The following TMC2 variants were observed in gnomAD, a reference collection of about 807,000 sequenced individuals.
The protein encoded by TMC2 is transmembrane channel-like protein 2.
In TMC2, 102 loss-of-function variants were observed where a neutral mutation model predicts 105.9. That is an observed-to-expected ratio of 0.96 (90% CI 0.82 to 1.14). The LOEUF (loss-of-function observed/expected upper bound fraction) is 1.14. Ranked by LOEUF, TMC2 falls within the 50% of genes most tolerant of loss-of-function variation. The probability of loss-of-function intolerance (pLI) is 0.00; values close to 1 mark genes in which losing one functional copy is unlikely to be tolerated. For missense variants in TMC2, 1,093 were observed against 1,134.3 expected (o/e 0.96, Z 0.52); for synonymous variants, 402 against 422.8 (o/e 0.95, Z 0.60).
At chr20:2,582,818 C>T (rs2086204199) in intron 7 of TMC2, among the ~76,000 whole-genome samples, 1 of 152,190 alleles carries the variant, frequency 6.6e-6, no homozygotes, top group Admixed American at 6.5e-5. Flanking sequence ...ATTCATTTTC[C>T]TTTTGCCACA....
intron 16 of TMC2, among the ~76,000 whole-genome samples, chr20:2,622,139 A>T (rs1036977016): frequency 6.6e-6 from 1 of 152,226 alleles, no homozygotes; most frequent in African/African-American, 2.4e-5. Flanking sequence ...GTGCTGGGCA[A>T]CAGTTGTAAG....
chr20:2,553,735 T>G (rs1842154534), intron 2 of TMC2, among the ~76,000 whole-genome samples: 1 of 152,192 alleles, frequency 6.6e-6, no homozygotes, highest in Non-Finnish European at 1.5e-5. Flanking sequence ...CCGAGACAAT[T>G]TCTTTAATAA....
chr20:2,553,094 CTTT>C (rs1293242552), intron 2 of TMC2, among the ~76,000 whole-genome samples: 1 of 152,094 alleles, frequency 6.6e-6, no homozygotes, highest in African/African-American at 2.4e-5. Context: ...TGTTAATATC[CTTT>C]TATTATCTTA....
chr20:2,631,705 G>GTTTTT (rs56986596), intron 17 of TMC2, among the ~76,000 whole-genome samples: 4 of 145,472 alleles, frequency 2.7e-5, no homozygotes, highest in African/African-American at 5.1e-5. Flanking sequence ...GACTATGGCT[G>GTTTTT]TTTTTTTTTT....
chr20:2,600,605 G>A (rs4813556), intron 10 of TMC2, among the ~76,000 whole-genome samples: 26,382 of 152,104 alleles, frequency 0.17, 2,860 homozygotes, highest in East Asian at 0.29. Flanking sequence ...GGCAGATCAC[G>A]AGGTCAAGAG....
intron 2 of TMC2, among the ~76,000 whole-genome samples, chr20:2,557,234 G>A (rs921448559): frequency 3.9e-5 from 6 of 152,070 alleles, no homozygotes; most frequent in African/African-American, 1.4e-4. Flanking sequence ...TTTTGAAATT[G>A]TCCCACAGTT....
intron 3 of TMC2, among the ~76,000 whole-genome samples, chr20:2,561,526 C>T (rs957336816): frequency 1.3e-5 from 2 of 152,148 alleles, no homozygotes; most frequent in Non-Finnish European, 1.5e-5. Context: ...ATTAAAATTG[C>T]TTTAATCCAT....
chr20:2,598,941 AG>A (rs200782346), intron 10 of TMC2, among the ~76,000 whole-genome samples: 3 of 152,328 alleles, frequency 2.0e-5, no homozygotes, highest in African/African-American at 7.2e-5. Context: ...TCCAAAAAAA[AG>A]GTACAACAAA....
At chr20:2,635,845 C>A in intron 17 of TMC2, 81 bp from the exon 18 acceptor site, 1 of 1,127,816 alleles carries the variant, frequency 8.9e-7, no homozygotes, top group South Asian at 1.2e-5. Context: ...GGAATCCTGC[C>A]CTGATTCCCC....
intron 4 of TMC2, among the ~76,000 whole-genome samples, chr20:2,568,871 A>G (rs977142258): frequency 6.6e-6 from 1 of 152,144 alleles, no homozygotes; most frequent in African/African-American, 2.4e-5. Context: ...AGACATCCCA[A>G]TAAAGCCAGC....
intron 16 of TMC2, among the ~76,000 whole-genome samples, chr20:2,620,192 T>G (rs913284189): frequency 6.6e-6 from 1 of 152,188 alleles, no homozygotes; most frequent in Non-Finnish European, 1.5e-5. Flanking sequence ...ATGCTGCTTA[T>G]AGAAAATGTG....
At chr20:2,574,053 T>C (rs1231160277) in intron 5 of TMC2, among the ~76,000 whole-genome samples, 1 of 152,212 alleles carries the variant, frequency 6.6e-6, no homozygotes, top group East Asian at 1.9e-4. Context: ...CTAATGACTT[T>C]CACACTAAGC....
At chr20:2,542,722 C>G (rs1417821105) in intron 2 of TMC2, among the ~76,000 whole-genome samples, 1 of 140,540 alleles carries the variant, frequency 7.1e-6, no homozygotes, top group Non-Finnish European at 1.5e-5. Flanking sequence ...TTGACAGAGT[C>G]TCGCTCTGTC....
At position 2,624,256 on chromosome 20, in the gene TMC2, C is replaced by T. The variant is rs771115022; in HGVS notation, c.2181-15C>T. The T allele has an allele frequency of 1.2e-6, 2 of 1,612,736 alleles. No individual in the cohort carries two copies. The highest frequency in any genetic ancestry group is 2.2e-5 in the South Asian group (2 of 90,816). On this transcript the variant is annotated splice_polypyrimidine_tract_variant and intron_variant, in intron 16 of 19. Coordinates refer to ENST00000358864, the MANE Select transcript of TMC2 (RefSeq NM_080751.3). ...ACATGGCAGCATGTTATATTGTGTCCTCTCCTTTTTCCAGTGGGAAAAACA... is the reference window on the plus strand; with the variant it reads ...ACATGGCAGCATGTTATATTGTGTCTTCTCCTTTTTCCAGTGGGAAAAACA...
intron 16 of TMC2, among the ~76,000 whole-genome samples, chr20:2,621,373 A>C (rs2325892): frequency 0.57 from 82,079 of 143,434 alleles, 24,153 homozygotes; most frequent in Admixed American, 0.66. Context: ...ACAACAACAA[A>C]AAAAAAAAAA....
chr20:2,569,678 G>A (rs187481682), intron 4 of TMC2, among the ~76,000 whole-genome samples: 89 of 152,244 alleles, frequency 5.8e-4, no homozygotes, highest in East Asian at 1.3e-3. Flanking sequence ...AATACCACTC[G>A]TTAATTAGTG....
rs1480863781 is a variant in TMC2, at chr20:2,608,299, A to ATTTATTTTT, written c.1414-2114_1414-2113insTTTTTTATT. Among the ~76,000 whole-genome samples, 6 of 98,912 alleles carry ATTTATTTTT rather than the reference A, an allele frequency of 6.1e-5. No homozygotes were observed. The Admixed American group carries it at 6.6e-4, about 11-fold the overall frequency. 64.9% of individuals were successfully genotyped at this position (98,912 alleles called of 152,430 possible). A position where few individuals can be genotyped will look rare whatever the true frequency, so the allele number is the denominator to read the frequency against. On this transcript the variant is annotated intron_variant, in intron 11 of 19. Transcript: ENST00000358864. ...CCTTCCCAGTTGTACCCTTATTTTT[A>ATTTATTTTT]TTTATTATTATTATTATTATTATTA... is the stretch of plus-strand genomic sequence containing the variant.
At chr20:2,565,461 T>C (rs899683058) in intron 4 of TMC2, among the ~76,000 whole-genome samples, 4 of 152,224 alleles carry the variant, frequency 2.6e-5, no homozygotes, top group African/African-American at 9.6e-5. Flanking sequence ...GGGACTGGTC[T>C]CGAACTCCTG....
intron 14 of TMC2, among the ~76,000 whole-genome samples, chr20:2,615,514 T>C (rs57724144): frequency 0.22 from 33,321 of 152,130 alleles, 3,734 homozygotes; most frequent in African/African-American, 0.26. Flanking sequence ...ATGAGGACCC[T>C]CATATCCTCA....
Sources: allele counts gnomAD v4.1 joint callset (sites outside exome capture counted in the v4.1 genomes callset), GRCh38; gene constraint gnomAD v4.1.1; transcripts MANE v1.5; gene names NCBI Gene and HGNC (gene_info 2026-07-23, HGNC 2026-07-21).